MEGF11: variants seen among roughly 807,000 people sequenced by gnomAD.
MEGF11 encodes multiple epidermal growth factor-like domains protein 11.
Under a neutral mutation model 146.6 loss-of-function variants are expected in MEGF11, and 126 were observed. The observed-to-expected ratio is 0.86, with a 90% CI of 0.74 to 1.00. The LOEUF is 1.00. Among genes scored for constraint, MEGF11 ranks in the 50% least tolerant of loss-of-function variants. The pLI is 0.00. For missense variants in MEGF11, 1,509 were observed against 1,521.2 expected (o/e 0.99, Z 0.13); for synonymous variants, 532 against 583.4 (o/e 0.91, Z 1.27).
At chr15:65,924,910 T>G (rs1228778498) in intron 13 of MEGF11, among the ~76,000 whole-genome samples, 1 of 152,182 alleles carries the variant, frequency 6.6e-6, no homozygotes, top group Non-Finnish European at 1.5e-5. Flanking sequence ...ATTACAGTCG[T>G]GAGCCACTGT....
intron 5 of MEGF11, among the ~76,000 whole-genome samples, chr15:66,068,606 C>T (rs1165948848): frequency 6.6e-6 from 1 of 152,184 alleles, no homozygotes. Context: ...CCCCAGGGGT[C>T]CCAATTCTAA....
chr15:66,126,268 C>T (rs1308848995), intron 2 of MEGF11, among the ~76,000 whole-genome samples: 1 of 152,158 alleles, frequency 6.6e-6, no homozygotes, highest in Non-Finnish European at 1.5e-5. Flanking sequence ...CAATGGAGCT[C>T]AGCTGGAAAG....
chr15:66,205,962 T>C (rs181349891), intron 1 of MEGF11, among the ~76,000 whole-genome samples: 1 of 152,246 alleles, frequency 6.6e-6, no homozygotes, highest in African/African-American at 2.4e-5. Flanking sequence ...TCAATAAATG[T>C]CAACTCCAAA....
intron 1 of MEGF11, among the ~76,000 whole-genome samples, chr15:66,224,057 G>A (rs1341617425): frequency 6.6e-6 from 1 of 152,094 alleles, no homozygotes; most frequent in African/African-American, 2.4e-5. Flanking sequence ...TCAACAACAG[G>A]ACACTTTGCT....
intron 4 of MEGF11, among the ~76,000 whole-genome samples, chr15:66,108,280 G>C (rs2087199853): frequency 6.6e-6 from 1 of 152,232 alleles, no homozygotes; most frequent in South Asian, 2.1e-4. Flanking sequence ...AACCACAGCA[G>C]TGGGGCAAGG....
At chr15:65,998,107 T>C (rs1407416710) in intron 5 of MEGF11, among the ~76,000 whole-genome samples, 3 of 152,060 alleles carry the variant, frequency 2.0e-5, no homozygotes, top group South Asian at 2.1e-4. Flanking sequence ...AGCAGGGAGC[T>C]GGGATTTTAA....
At position 66,195,490 on chromosome 15, in the gene MEGF11, G is replaced by C. The variant is rs970663892; in HGVS notation, c.-9+58115C>G. ...AACCTAAGACAAAGGTATGTGTGCA[G>C]GTTGTTTATTTGGGAAGTGATCCCA... On this transcript the variant is annotated intron_variant, in intron 1 of 25. Transcript: ENST00000395614. Among the ~76,000 whole-genome samples, 6 of 152,320 alleles carry C rather than the reference G, an allele frequency of 3.9e-5. No homozygotes were observed. The East Asian group carries it at 1.2e-3, about 29-fold the overall frequency.
chr15:66,198,495 TTC>T (rs2091064433), intron 1 of MEGF11, among the ~76,000 whole-genome samples: 1 of 152,146 alleles, frequency 6.6e-6, no homozygotes, highest in East Asian at 1.9e-4. Flanking sequence ...TTTTTTGTTT[TTC>T]GTTTTTGAGA....
intron 5 of MEGF11, among the ~76,000 whole-genome samples, chr15:66,078,704 G>A (rs1185400543): frequency 1.3e-5 from 2 of 152,208 alleles, no homozygotes; most frequent in Admixed American, 6.5e-5. Flanking sequence ...TCACACCTGT[G>A]TGGGGCTGGG....
intron 1 of MEGF11, among the ~76,000 whole-genome samples, chr15:66,183,556 G>C (rs1048047462): frequency 5.6e-5 from 8 of 142,316 alleles, no homozygotes; most frequent in African/African-American, 1.8e-4. Context: ...AAAAAAAAAA[G>C]AAAACGGATG....
chr15:65,952,177 A>G (rs1416440712), intron 10 of MEGF11, among the ~76,000 whole-genome samples: 1 of 152,168 alleles, frequency 6.6e-6, no homozygotes, highest in Non-Finnish European at 1.5e-5. Context: ...TGTATCCCTC[A>G]TGGATAATGG....
At chr15:65,914,996 C>T (rs1211869869) in intron 19 of MEGF11, among the ~76,000 whole-genome samples, 1 of 152,216 alleles carries the variant, frequency 6.6e-6, no homozygotes, top group East Asian at 1.9e-4. Context: ...AGGTGTCATC[C>T]GACTGTAGTG....
At position 65,982,343 on chromosome 15, in the gene MEGF11, G is replaced by A; in HGVS notation, c.540C>T (p.Thr180=). The change falls in exon 6 of 26, where the codon ACC becomes ACT. Residue 180 remains threonine, a synonymous_variant. Transcript: ENST00000395614. The surrounding 1 kb of genome is among the most constrained non-coding windows in gnomAD (Gnocchi z 5.6). ...ACGGCAGCTGGCATCCCTTGCCGTG[G>A]GTGCCAGGTGCGCAGAGCTCCTCGC... is the stretch of plus-strand genomic sequence containing the variant. ...WRCEELCAPG[T]HGKGCQLPCQ... The A allele has an allele frequency of 1.3e-6, 2 of 1,530,616 alleles. No individual in the cohort carries two copies. Among genetic ancestry groups the A allele is most frequent in the South Asian group, 1.2e-5 (1 of 83,536 alleles). The allele number at this position is 1,530,616 out of a possible 1,614,324, so 94.8% of individuals were successfully genotyped here. A position where few individuals can be genotyped will look rare whatever the true frequency, so the allele number is the denominator to read the frequency against.
At chr15:66,244,227 C>A (rs189517495) in intron 1 of MEGF11, among the ~76,000 whole-genome samples, 4 of 152,294 alleles carry the variant, frequency 2.6e-5, no homozygotes, top group Admixed American at 6.5e-5. Flanking sequence ...CTCCCAGACA[C>A]CCCCAAAGAA....
At chr15:66,182,619 A>T (rs545877067) in intron 1 of MEGF11, among the ~76,000 whole-genome samples, 1 of 152,322 alleles carries the variant, frequency 6.6e-6, no homozygotes, top group South Asian at 2.1e-4. Context: ...GCTCAAGGGG[A>T]CAAGAGAAGG....
intron 18 of MEGF11, 39 bp downstream of exon 18, chr15:65,916,109 C>T (rs983117458): frequency 1.3e-6 from 2 of 1,550,358 alleles, no homozygotes; most frequent in African/African-American, 2.7e-5. Flanking sequence ...GGGTAGGGCC[C>T]AGCAGCATCA....
At chr15:66,037,012 C>A (rs765445976) in intron 5 of MEGF11, among the ~76,000 whole-genome samples, 2 of 152,232 alleles carry the variant, frequency 1.3e-5, no homozygotes, top group Non-Finnish European at 2.9e-5. Flanking sequence ...GGGCTGCTAT[C>A]CTTGCCAGCA....
chr15:66,110,034 G>A (rs113545683), intron 4 of MEGF11, among the ~76,000 whole-genome samples: 2 of 152,268 alleles, frequency 1.3e-5, no homozygotes, highest in African/African-American at 2.4e-5. Flanking sequence ...GGGTGGCAGG[G>A]CCAAGGGAGA....
At chr15:66,113,248 G>A (rs1000705325) in intron 4 of MEGF11, among the ~76,000 whole-genome samples, 1 of 152,066 alleles carries the variant, frequency 6.6e-6, no homozygotes, top group Non-Finnish European at 1.5e-5. Flanking sequence ...TTTCCCTGGG[G>A]ACAACCTATG....
Sources: gnomAD v4.1 joint callset for allele counts (sites outside exome capture counted in the v4.1 genomes callset) on GRCh38, gnomAD v4.1.1 for gene constraint, Gnocchi (gnomAD v3.1) non-coding constraint, MANE v1.5 for transcripts, NCBI Gene and HGNC (gene_info 2026-07-23, HGNC 2026-07-21) for gene names.